The following SCN9A variants were observed in gnomAD, a reference collection of about 807,000 sequenced individuals.
SCN9A encodes sodium voltage-gated channel alpha subunit 9, also known as sodium channel protein type 9 subunit alpha.
A neutral mutation model predicts 187.0 loss-of-function variants in SCN9A; 131 were observed. The ratio of observed to expected loss-of-function variants is 0.70; its 90% CI spans 0.61 to 0.81. SCN9A has a LOEUF of 0.81. Among genes scored for constraint, SCN9A ranks in the 30% least tolerant of loss-of-function variants. The pLI is 0.00. For synonymous variants in SCN9A, 809 were observed against 808.6 expected, an observed-to-expected ratio of 1.00 and a Z score of -0.01; for missense variants, 2,252 against 2,396.6, an observed-to-expected ratio of 0.94 and a Z score of 1.26.
At chr2:166,218,355 C>T (rs947169271) in intron 24 of SCN9A, among the ~76,000 whole-genome samples, 1 of 151,708 alleles carries the variant, frequency 6.6e-6, no homozygotes, top group Non-Finnish European at 1.5e-5. Flanking sequence ...CACATGTATA[C>T]ATATGTAACA....
chr2:166,207,975 T>C (rs900470975), intron 24 of SCN9A, among the ~76,000 whole-genome samples: 11 of 152,120 alleles, frequency 7.2e-5, no homozygotes, highest in Non-Finnish European at 1.5e-4. Flanking sequence ...GAAGAGAAAA[T>C]CAAAGTAATA....
chr2:166,250,695 A>T (rs969441583), intron 18 of SCN9A, among the ~76,000 whole-genome samples: 3 of 152,152 alleles, frequency 2.0e-5, no homozygotes, highest in Admixed American at 6.6e-5. Context: ...ATCAGAAAGC[A>T]TACAGGAGTA....
chr2:166,219,492 T>C (rs1694487669), intron 24 of SCN9A, among the ~76,000 whole-genome samples: 2 of 152,108 alleles, frequency 1.3e-5, no homozygotes, highest in Admixed American at 1.3e-4. Context: ...TACCACATGT[T>C]CTCACTTATA....
chr2:166,228,079 A>G (rs1323981686), intron 22 of SCN9A, among the ~76,000 whole-genome samples: 1 of 151,988 alleles, frequency 6.6e-6, no homozygotes, highest in African/African-American at 2.4e-5. Flanking sequence ...TCATCCCTTC[A>G]TAGTGTGAAG....
chr2:166,297,222 A>AAAAAAAAAAAAAAAAAAAAAAAC (rs1698353316), intron 7 of SCN9A, among the ~76,000 whole-genome samples: 1 of 139,776 alleles, frequency 7.2e-6, no homozygotes, highest in African/African-American at 2.6e-5. Context: ...AAAAAAAAAA[A>AAAAAAAAAAAAAAAAAAAAAAAC]AAAAAGAACC....
chr2:166,277,237 C>A lies in SCN9A; in HGVS notation c.2620G>T (p.Ala874Ser), dbSNP rs80356477. Reference protein sequence around the residue: ...GALGNLTLVLAIIVFIFAVVG... With the variant: ...GALGNLTLVLSIIVFIFAVVG... ...ACAGCAAAAATGAAGACGATGATGG[C>A]CAACACTAAGGTGAGGTTACCTAGA... is the stretch of plus-strand genomic sequence containing the variant. Residue 874 changes from alanine (A) to serine (S), a missense_variant, in exon 16 of 27, where the codon GCC becomes TCC. Transcript: ENST00000642356. 3.7e-6 allele frequency: 6 copies of A among 1,614,056 alleles called. No homozygotes were observed. The highest frequency in any genetic ancestry group is 5.1e-6 in the Non-Finnish European group (6 of 1,179,976).
At chr2:166,343,927 G>C (rs1424668375) in intron 1 of SCN9A, among the ~76,000 whole-genome samples, 2 of 152,208 alleles carry the variant, frequency 1.3e-5, no homozygotes, top group Non-Finnish European at 2.9e-5. Context: ...AATGTAAAGT[G>C]AGTAGAGGGG....
intron 19 of SCN9A, among the ~76,000 whole-genome samples, chr2:166,240,311 T>C (rs1695509178): frequency 6.6e-6 from 1 of 151,970 alleles, no homozygotes; most frequent in African/African-American, 2.4e-5. Flanking sequence ...TGAAGGTTTG[T>C]TACATAGGTA....
intron 1 of SCN9A, among the ~76,000 whole-genome samples, chr2:166,342,824 C>A (rs1015833506): frequency 2.6e-5 from 4 of 152,016 alleles, no homozygotes; most frequent in African/African-American, 9.7e-5. Context: ...AAAGCTCTTC[C>A]AGCATTGTTC....
At chr2:166,271,765 G>A (rs1696998287) in intron 17 of SCN9A, among the ~76,000 whole-genome samples, 1 of 151,972 alleles carries the variant, frequency 6.6e-6, no homozygotes, top group Non-Finnish European at 1.5e-5. Flanking sequence ...GGTGGAGGCA[G>A]GAGGATCACT....
intron 24 of SCN9A, among the ~76,000 whole-genome samples, chr2:166,210,466 A>G (rs28858792): frequency 6.6e-6 from 1 of 150,794 alleles, no homozygotes; most frequent in Admixed American, 6.6e-5. Flanking sequence ...ATAATAAAAA[A>G]TAAAAATAAA....
chr2:166,282,161 A>G (rs1255798434), intron 12 of SCN9A, among the ~76,000 whole-genome samples: 1 of 152,182 alleles, frequency 6.6e-6, no homozygotes, highest in African/African-American at 2.4e-5. Context: ...ATAGTTTGTC[A>G]TGTGACAGTC....
intron 12 of SCN9A, among the ~76,000 whole-genome samples, chr2:166,283,371 T>C (rs1213237622): frequency 2.0e-5 from 3 of 152,200 alleles, no homozygotes; most frequent in Admixed American, 6.5e-5. Flanking sequence ...ATGGATTTGA[T>C]GGAACTTTAC....
At chr2:166,204,255 C>T in intron 25 of SCN9A, 30 bp from the exon 26 acceptor site, 1 of 1,592,920 alleles carries the variant, frequency 6.3e-7, no homozygotes, top group South Asian at 1.1e-5. Flanking sequence ...ATATCGAATG[C>T]AGAGTAAACT....
chr2:166,354,106 AT>A (rs200720228), intron 1 of SCN9A, among the ~76,000 whole-genome samples: 7,636 of 152,220 alleles, frequency 0.05, 240 homozygotes, highest in Middle Eastern at 0.092. Flanking sequence ...AACATTTACA[AT>A]AATCCATAAC....
Position 166,332,571 on chromosome 2 carries a change from C to T in SCN9A, c.-50-20765G>A, listed in dbSNP as rs576041557. On this transcript the variant is annotated intron_variant, in intron 1 of 26. Coordinates refer to ENST00000642356, the MANE Select transcript of SCN9A (RefSeq NM_001365536.1). ...CTCAGAAGTAGTGATTTAAAAGAAACATAATGCAGTCTGTAAATGCAGAAT... is the reference window on the plus strand; with the variant it reads ...CTCAGAAGTAGTGATTTAAAAGAAATATAATGCAGTCTGTAAATGCAGAAT... Among the ~76,000 whole-genome samples, 7 of 152,214 alleles carry T rather than the reference C, an allele frequency of 4.6e-5. No homozygotes were observed. The South Asian group carries it at 1.5e-3, about 32-fold the overall frequency.
chr2:166,288,765 G>T (rs1697904429), intron 9 of SCN9A, 122 bp from the exon 10 acceptor site: 2 of 663,720 alleles, frequency 3.0e-6, no homozygotes. Flanking sequence ...AAAATATAAA[G>T]AGAAAAGTTA....
intron 1 of SCN9A, among the ~76,000 whole-genome samples, chr2:166,338,412 GC>G (rs757651862): frequency 2.1e-4 from 32 of 151,638 alleles, no homozygotes; most frequent in Admixed American, 1.5e-3. Context: ...TCTGTCTAAC[GC>G]CCATGTGTAC....
chr2:166,340,536 CTTTCCCTTTCTTTCTTTCTT>C (rs1559050787), intron 1 of SCN9A, among the ~76,000 whole-genome samples: 5 of 94,942 alleles, frequency 5.3e-5, no homozygotes, highest in African/African-American at 2.1e-4. Context: ...CCTTTCTTTT[CTTTCCCTTTCTTTCTTTCTT>C]TCTTTCTTTC....
Sources: allele counts gnomAD v4.1 joint callset (sites outside exome capture counted in the v4.1 genomes callset), GRCh38; gene constraint gnomAD v4.1.1; transcripts MANE v1.5; gene names NCBI Gene and HGNC (gene_info 2026-07-23, HGNC 2026-07-21).